The following HCN1 variants were observed in gnomAD, a reference collection of about 807,000 sequenced individuals.
HCN1 encodes the protein hyperpolarization activated cyclic nucleotide gated potassium channel 1, also known as potassium/sodium hyperpolarization-activated cyclic nucleotide-gated channel 1.
In HCN1, 13 loss-of-function variants were observed where a neutral mutation model predicts 78.9. The observed-to-expected ratio is 0.16, with a 90% CI of 0.11 to 0.26. The LOEUF is 0.26. HCN1 is among the 10% of genes least tolerant of loss of function. HCN1 has a pLI of 1.00. For missense variants in HCN1, 810 were observed against 1,154.3 expected (o/e 0.70, Z 4.32); for synonymous variants, 552 against 455.5 (o/e 1.21, Z -2.70).
intron 1 of HCN1, among the ~76,000 whole-genome samples, chr5:45,687,398 T>C (rs1299716508): frequency 6.6e-6 from 1 of 152,182 alleles, no homozygotes; most frequent in East Asian, 1.9e-4. Context: ...ATTTTGACCT[T>C]ATAAATTAGT....
At chr5:45,369,051 T>C (rs768817687) in intron 4 of HCN1, among the ~76,000 whole-genome samples, 1 of 151,908 alleles carries the variant, frequency 6.6e-6, no homozygotes, top group Non-Finnish European at 1.5e-5. Context: ...ATTTTCCCTG[T>C]TCTAGATTTT....
At chr5:45,608,929 A>C (rs1325797759) in intron 2 of HCN1, among the ~76,000 whole-genome samples, 2 of 152,080 alleles carry the variant, frequency 1.3e-5, no homozygotes, top group African/African-American at 4.8e-5. Flanking sequence ...TAGAAGAAAA[A>C]AATGGCAAAA....
intron 5 of HCN1, among the ~76,000 whole-genome samples, chr5:45,348,404 G>C (rs181717525): frequency 6.6e-6 from 1 of 152,238 alleles, no homozygotes; most frequent in Non-Finnish European, 1.5e-5. Context: ...ACCAGCCACT[G>C]AAAAATCACA....
At chr5:45,337,518 T>C (rs1482391975) in intron 5 of HCN1, among the ~76,000 whole-genome samples, 1 of 152,158 alleles carries the variant, frequency 6.6e-6, no homozygotes, top group East Asian at 1.9e-4. Flanking sequence ...CACTCTGAGA[T>C]GATTTGCCAA....
chr5:45,262,840 A>C (rs764564055), intron 7 of HCN1, 30 bp from the exon 8 acceptor site: 1 of 1,611,350 alleles, frequency 6.2e-7, no homozygotes, highest in Non-Finnish European at 8.5e-7. Context: ...AGGCACTTAG[A>C]AAGCCTACCA....
At chr5:45,353,327 CAAT>C in intron 4 of HCN1, 81 bp from the exon 5 acceptor site, 1 of 1,073,678 alleles carries the variant, frequency 9.3e-7, no homozygotes, top group African/African-American at 1.6e-5. Flanking sequence ...TTGCTATATT[CAAT>C]AATATTTGAA....
chr5:45,505,702 C>G (rs908499680), intron 2 of HCN1, among the ~76,000 whole-genome samples: 9 of 152,028 alleles, frequency 5.9e-5, no homozygotes, highest in Non-Finnish European at 4.4e-5. Flanking sequence ...AAAATGCCAA[C>G]TAGAAAAGCA....
intron 3 of HCN1, among the ~76,000 whole-genome samples, chr5:45,439,551 T>G (rs553019303): frequency 2.0e-5 from 3 of 152,184 alleles, no homozygotes; most frequent in African/African-American, 7.2e-5. Context: ...TGAGAAAAAT[T>G]GTCAAATTCA....
chr5:45,352,993 A>G (rs999323003), intron 5 of HCN1, 107 bp downstream of exon 5: 1 of 900,118 alleles, frequency 1.1e-6, no homozygotes, highest in South Asian at 1.5e-5. Flanking sequence ...AAATATCTTA[A>G]TAAGTTTAGG....
chr5:45,315,687 A>G (rs557223090), intron 5 of HCN1, among the ~76,000 whole-genome samples: 1 of 152,320 alleles, frequency 6.6e-6, no homozygotes, highest in African/African-American at 2.4e-5. Context: ...AAAGAAGAAA[A>G]GAGAGAAGAA....
At chr5:45,525,392 CA>C (rs1742715912) in intron 2 of HCN1, among the ~76,000 whole-genome samples, 1 of 151,560 alleles carries the variant, frequency 6.6e-6, no homozygotes, top group Non-Finnish European at 1.5e-5. Flanking sequence ...AATGAATATA[CA>C]AAGAAAAACT....
At chr5:45,370,845 G>T (rs1375361718) in intron 4 of HCN1, among the ~76,000 whole-genome samples, 2 of 152,016 alleles carry the variant, frequency 1.3e-5, no homozygotes, top group African/African-American at 2.4e-5. Flanking sequence ...CACTCTAAAA[G>T]AAGTAATGGC....
chr5:45,690,495 C>G (rs1231060562), intron 1 of HCN1, among the ~76,000 whole-genome samples: 3 of 151,882 alleles, frequency 2.0e-5, no homozygotes, highest in Admixed American at 6.6e-5. Context: ...TTCTGTAGCA[C>G]ATATATACAA....
intron 4 of HCN1, among the ~76,000 whole-genome samples, chr5:45,379,079 C>T (rs1747750738): frequency 6.6e-6 from 1 of 152,130 alleles, no homozygotes; most frequent in Admixed American, 6.6e-5. Context: ...CCCTAATAAA[C>T]ATGCGTGTGC....
chr5:45,378,890 G>C lies in HCN1; in HGVS notation c.1230+17602C>G, dbSNP rs1000219211. ...ATGCGGTGTTTGTTTTTTTGTCCTT[G>C]CTATAGTTTGCTGAGAATGATGGTT... On this transcript the variant is annotated intron_variant, in intron 4 of 7. Coordinates refer to ENST00000303230, the MANE Select transcript of HCN1 (RefSeq NM_021072.4). 3.3e-5 allele frequency among the ~76,000 whole-genome samples: 5 copies of C among 151,850 alleles called. No homozygotes were observed. The East Asian group carries it at 9.7e-4, about 29-fold the overall frequency.
intron 6 of HCN1, among the ~76,000 whole-genome samples, chr5:45,288,816 C>A (rs537349196): frequency 5.9e-5 from 9 of 152,002 alleles, no homozygotes; most frequent in African/African-American, 2.2e-4. Context: ...AAGGGAGGGT[C>A]TAAATTTAAG....
At position 45,609,272 on chromosome 5, in the gene HCN1, T is replaced by C. The variant is rs141801445; in HGVS notation, c.849+35913A>G. Among the ~76,000 whole-genome samples the C allele has an allele frequency of 2.4e-4, 37 of 152,172 alleles. 1 individual carries two copies. The East Asian group carries it at 7.1e-3, about 29-fold the overall frequency. On this transcript the variant is annotated intron_variant, in intron 2 of 7. Coordinates refer to ENST00000303230, the MANE Select transcript of HCN1 (RefSeq NM_021072.4). ...AATGTACACAAGAAGACATGTAAAA[T>C]AAAGTTTGCACAACAACGACAGCAA...
At chr5:45,500,462 T>C (rs1742165401) in intron 2 of HCN1, among the ~76,000 whole-genome samples, 1 of 152,202 alleles carries the variant, frequency 6.6e-6, no homozygotes, top group East Asian at 1.9e-4. Context: ...GTGATACTTA[T>C]GAGGCCTAAA....
chr5:45,456,809 T>G (rs534453185), intron 3 of HCN1, among the ~76,000 whole-genome samples: 229 of 152,150 alleles, frequency 1.5e-3, no homozygotes, highest in Non-Finnish European at 2.2e-3. Flanking sequence ...CTAATTGACT[T>G]ATCCAAGTTT....
Sources: gnomAD v4.1 joint callset for allele counts (sites outside exome capture counted in the v4.1 genomes callset) on GRCh38, gnomAD v4.1.1 for gene constraint, MANE v1.5 for transcripts, NCBI Gene and HGNC (gene_info 2026-07-23, HGNC 2026-07-21) for gene names.